ARID1B: variants seen among roughly 807,000 people sequenced by gnomAD.
The protein encoded by ARID1B is AT-rich interaction domain 1B, also known as AT-rich interactive domain-containing protein 1B.
ARID1B carries 30 observed loss-of-function variants against 212.3 expected under a neutral mutation model. That is an observed-to-expected ratio of 0.14 (90% confidence interval 0.11 to 0.19). The LOEUF (loss-of-function observed/expected upper bound fraction) is 0.19. Ranked by LOEUF, ARID1B falls within the 10% of genes least tolerant of loss-of-function variation. ARID1B has a pLI of 1.00. For synonymous variants in ARID1B, 1,402 were observed against 1,301.7 expected (o/e 1.08, Z -1.66); for missense variants, 2,891 against 3,204.0 (o/e 0.90, Z 2.36).
chr6:157,031,426 T>G (rs113356975), intron 4 of ARID1B, among the ~76,000 whole-genome samples: 22 of 152,322 alleles, frequency 1.4e-4, no homozygotes, highest in African/African-American at 5.1e-4. Context: ...AGCATCTAAA[T>G]TCTTGGTAAT....
rs1348742846 is a variant in ARID1B at position 157,201,488 on chromosome 6, G to A, written c.5263G>A (p.Val1755Ile). The A allele has an allele frequency of 1.1e-5, 16 of 1,493,548 alleles. No homozygotes were observed. Among genetic ancestry groups the A allele is most frequent in the South Asian group, 1.4e-5 (1 of 71,110 alleles). The allele number at this position is 1,493,548 out of a possible 1,614,324, so 92.5% of individuals were successfully genotyped here. A position where few individuals can be genotyped will look rare whatever the true frequency, so the allele number is the denominator to read the frequency against. ...QRRKITSKDI[V>I]TPEAWRVMMS... is the part of the protein sequence containing the mutation. Reference sequence around the variant, plus strand: ...GCGAAAGATTACCTCCAAAGATATCGGTAAGAATTCCAAAGCTTTCATTCT... The same window carrying A: ...GCGAAAGATTACCTCCAAAGATATCAGTAAGAATTCCAAAGCTTTCATTCT... Residue 1755 changes from valine (V) to isoleucine (I), a missense_variant and splice_region_variant, in exon 18 of 20, where the codon GTT becomes ATT. Val to Ile is a conservative substitution (Grantham distance 29). Coordinates refer to ENST00000636930, the MANE Select transcript of ARID1B (RefSeq NM_001374828.1). The surrounding 1 kb of genome is among the most constrained non-coding windows in gnomAD (Gnocchi z 5.2).
chr6:156,887,205 G>T (rs1787576165), intron 2 of ARID1B, among the ~76,000 whole-genome samples: 1 of 152,190 alleles, frequency 6.6e-6, no homozygotes, highest in Non-Finnish European at 1.5e-5. Context: ...TTCACTGTCT[G>T]TGTCAGTGTG....
In ARID1B at chr6:157,084,144, A is replaced by AC. The variant is rs989205557; in HGVS notation, c.2248-518_2248-517insC. Among the ~76,000 whole-genome samples the AC allele has an allele frequency of 1.9e-4, 25 of 133,348 alleles. No individual in the cohort carries two copies. The East Asian group carries it at 5.0e-3, about 27-fold the overall frequency. 87.5% of individuals were successfully genotyped at this position (133,348 alleles called of 152,430 possible). Reference sequence around the variant, plus strand: ...AGTGAGACTTCATCACCTCCCCCCCAAAAAAAAAAAAACTTTCTCATCACA... The same window carrying AC: ...AGTGAGACTTCATCACCTCCCCCCCACAAAAAAAAAAAACTTTCTCATCACA... On this transcript the variant is annotated intron_variant, in intron 4 of 19. Transcript: ENST00000636930.
At chr6:156,939,839 A>G (rs569239441) in intron 4 of ARID1B, 1 of 152,338 alleles carries the variant, frequency 6.6e-6, no homozygotes, top group South Asian at 2.1e-4. Context: ...CATCTTTTTT[A>G]CTTATAAAAA....
At chr6:156,981,719 T>C (rs1047212556) in intron 4 of ARID1B, among the ~76,000 whole-genome samples, 4 of 152,214 alleles carry the variant, frequency 2.6e-5, no homozygotes, top group African/African-American at 9.6e-5. Flanking sequence ...TTAACTCTTG[T>C]TCACTAAGCT....
chr6:157,148,762 G>A lies in ARID1B; in HGVS notation c.2900G>A (p.Gly967Glu), dbSNP rs2128634373. The A allele has an allele frequency of 1.2e-6, 2 of 1,613,284 alleles. No homozygotes were observed. Among genetic ancestry groups the A allele is most frequent in the Non-Finnish European group, 1.7e-6 (2 of 1,179,958 alleles). ...CAGCCATGTGGTGCTGTGCCCCTGG[G>A]ACGAATGCCATCAGCTGGGATGCAG... ...PSQPCGAVPL[G>E]RMPSAGMQNR... Residue 967 changes from glycine (G) to glutamate (E), a missense_variant, in exon 8 of 20, where the codon GGA becomes GAA. Transcript: ENST00000636930. The surrounding 1 kb of genome is among the most constrained non-coding windows in gnomAD (Gnocchi z 5.6).
At chr6:157,158,109 A>T (rs1186669987) in intron 8 of ARID1B, among the ~76,000 whole-genome samples, 3 of 152,218 alleles carry the variant, frequency 2.0e-5, no homozygotes, top group African/African-American at 7.2e-5. Context: ...CTCATACTGG[A>T]TTACTTTTGA....
At chr6:157,049,916 A>T (rs1159615100) in intron 4 of ARID1B, among the ~76,000 whole-genome samples, 1 of 152,194 alleles carries the variant, frequency 6.6e-6, no homozygotes, top group African/African-American at 2.4e-5. Context: ...TTCTTCAGTC[A>T]TCTTAATGTG....
chr6:156,971,028 T>C lies in ARID1B; in HGVS notation c.2247+35452T>C, dbSNP rs73576092. 0.033 allele frequency among the ~76,000 whole-genome samples: 5,066 copies of C among 152,338 alleles called. 282 individuals are homozygous for C. The highest frequency in any genetic ancestry group is 0.12 in the African/African-American group (4,790 of 41,566). ...CAAAGAAATGACAGGTTTACTGCTG[T>C]GTCCTCATTCATCTTCATCCTTCTT... On this transcript the variant is annotated intron_variant, in intron 4 of 19. Coordinates refer to ENST00000636930, the MANE Select transcript of ARID1B (RefSeq NM_001374828.1).
intron 13 of ARID1B, chr6:157,186,597 G>A (rs1212855565): frequency 4.4e-6 from 2 of 459,094 alleles, no homozygotes; most frequent in Non-Finnish European, 9.1e-6. Context: ...TGTTGTTAAA[G>A]GAAAATAAAA....
At chr6:157,077,153 C>A (rs1192676649) in intron 4 of ARID1B, among the ~76,000 whole-genome samples, 1 of 152,140 alleles carries the variant, frequency 6.6e-6, no homozygotes, top group Non-Finnish European at 1.5e-5. Flanking sequence ...TAGAGTTACT[C>A]AGGCAATTTT....
At chr6:157,024,785 A>C (rs1780553125) in intron 4 of ARID1B, 2 of 145,974 alleles carry the variant, frequency 1.4e-5, no homozygotes, top group African/African-American at 2.8e-5. Flanking sequence ...AACAAAAAAG[A>C]AAAAAAAACC....
Position 157,206,826 on chromosome 6 carries a change from G to A in ARID1B, c.6054G>A (p.Gly2018=). The part of the protein sequence containing the change: ...PGALPEDANP[G]PQTESSKFPF... ...CATTGCCTGAAGACGCAAACCCTGG[G>A]CCCCAGACCGAAAGCAGTAAGTTTC... The change falls in exon 20 of 20, where the codon GGG becomes GGA. Residue 2018 remains glycine, a synonymous_variant. Coordinates refer to ENST00000636930, the MANE Select transcript of ARID1B (RefSeq NM_001374828.1). This position sits in a 1 kb window ranked among gnomAD's most constrained non-coding sequence, Gnocchi z 6.8. The A allele has an allele frequency of 6.2e-7, 1 of 1,614,030 alleles. No individual in the cohort carries two copies. Among genetic ancestry groups the A allele is most frequent in the Non-Finnish European group, 8.5e-7 (1 of 1,180,020 alleles).
chr6:157,200,577 T>G lies in ARID1B; in HGVS notation c.4480-128T>G, dbSNP rs1794024212. On this transcript the variant is annotated intron_variant, in intron 17 of 19. Transcript: ENST00000636930. This position sits in a 1 kb window ranked among gnomAD's most constrained non-coding sequence, Gnocchi z 4.3. ...AACATAAATTGTTAGTTCTCTGTTG[T>G]TATAGGAGCTTCCCATATTCATTTT... is the stretch of plus-strand genomic sequence containing the variant. The G allele has an allele frequency of 3.1e-5, 32 of 1,035,808 alleles. No homozygotes were observed. Among genetic ancestry groups the G allele is most frequent in the Non-Finnish European group, 4.0e-5 (29 of 726,926 alleles). 64.2% of individuals were successfully genotyped at this position (1,035,808 alleles called of 1,614,324 possible).
At chr6:157,141,975 T>A (rs1789387848) in intron 7 of ARID1B, among the ~76,000 whole-genome samples, 1 of 152,202 alleles carries the variant, frequency 6.6e-6, no homozygotes, top group Admixed American at 6.5e-5. Flanking sequence ...TACAAATTTT[T>A]AGCAGCTCTA....
At chr6:157,100,308 C>T (rs947912844) in intron 5 of ARID1B, among the ~76,000 whole-genome samples, 1 of 152,178 alleles carries the variant, frequency 6.6e-6, no homozygotes, top group African/African-American at 2.4e-5. Flanking sequence ...GAGACAGAGG[C>T]ACACACACCC....
At position 156,945,233 on chromosome 6, in the gene ARID1B, C is replaced by CTTTTTTTTTTTTTT. The variant is rs1164805779; in HGVS notation, c.2247+9679_2247+9692dup. Among the ~76,000 whole-genome samples the CTTTTTTTTTTTTTT allele has an allele frequency of 5.8e-4, 19 of 32,662 alleles. 3 individuals carry two copies. The highest frequency in any genetic ancestry group is 9.3e-4 in the Non-Finnish European group (16 of 17,240). The allele number at this position is 32,662 out of a possible 152,430, so 21.4% of individuals were successfully genotyped here. On this transcript the variant is annotated intron_variant, in intron 4 of 19. Transcript: ENST00000636930. ...GACCGGTGTGAGCCCCCGCATCCGG[C>CTTTTTTTTTTTTTT]TTTTTTTTTTTTTTTTTTTTTTTTT...
rs1783573615 is a variant in ARID1B at position 156,837,223 on chromosome 6, T to G, written c.1986+7802T>G. Among the ~76,000 whole-genome samples the G allele has an allele frequency of 2.6e-5, 4 of 152,368 alleles. 1 individual carries two copies. The Middle Eastern group carries it at 0.014, about 518-fold the overall frequency. On this transcript the variant is annotated intron_variant, in intron 2 of 19. Coordinates refer to ENST00000636930, the MANE Select transcript of ARID1B (RefSeq NM_001374828.1). The stretch of plus-strand genomic sequence containing the variant: ...GCAAGAACCTGGTATGTGTTAGATG[T>G]GTAGAGTGCAGTCTGTCCTTTTTGA...
At chr6:156,963,239 A>G (rs535200973) in intron 4 of ARID1B, among the ~76,000 whole-genome samples, 3 of 152,346 alleles carry the variant, frequency 2.0e-5, no homozygotes, top group Admixed American at 6.5e-5. Flanking sequence ...ATTAGGGAGT[A>G]ACAAAGAAGT....
Sources: gnomAD v4.1 joint callset for allele counts (sites outside exome capture counted in the v4.1 genomes callset) on GRCh38, gnomAD v4.1.1 for gene constraint, Gnocchi (gnomAD v3.1) non-coding constraint, MANE v1.5 for transcripts, NCBI Gene and HGNC (gene_info 2026-07-23, HGNC 2026-07-21) for gene names.